Variants in VRK1 observed in about 807,000 individuals in gnomAD.
VRK1 encodes VRK serine/threonine kinase 1, also known as serine/threonine-protein kinase VRK1.
In VRK1, 33 loss-of-function variants were observed where a neutral mutation model predicts 57.1. The observed-to-expected ratio is 0.58, with a 90% CI of 0.44 to 0.77. The LOEUF is 0.77. Ranked by LOEUF, VRK1 falls within the 30% of genes least tolerant of loss-of-function variation. The pLI is 0.00. For missense variants in VRK1, 413 were observed against 477.3 expected (o/e 0.87, Z 1.25); for synonymous variants, 137 against 147.8 (o/e 0.93, Z 0.53).
intron 2 of VRK1, among the ~76,000 whole-genome samples, chr14:96,835,001 A>G (rs1887160092): frequency 6.6e-6 from 1 of 152,232 alleles, no homozygotes; most frequent in Non-Finnish European, 1.5e-5. Flanking sequence ...TTGCAAAGTT[A>G]AAACTTGCCC....
intron 1 of VRK1, among the ~76,000 whole-genome samples, chr14:96,827,438 T>C (rs1886843111): frequency 1.3e-5 from 2 of 152,152 alleles, no homozygotes; most frequent in Non-Finnish European, 2.9e-5. Flanking sequence ...GGCTGTCAGC[T>C]CTACTTACTC....
At chr14:96,869,293 C>T (rs558585151) in intron 11 of VRK1, among the ~76,000 whole-genome samples, 1 of 152,242 alleles carries the variant, frequency 6.6e-6, no homozygotes, top group African/African-American at 2.4e-5. Flanking sequence ...TAACTTTTCC[C>T]ATCTTTCTAG....
chr14:96,872,179 T>G (rs1463333198), intron 11 of VRK1, among the ~76,000 whole-genome samples: 1 of 152,188 alleles, frequency 6.6e-6, no homozygotes, highest in East Asian at 1.9e-4. Flanking sequence ...TTCCTAACTC[T>G]CCATCTTTTT....
At chr14:96,833,218 C>G (rs985323202) in intron 1 of VRK1, among the ~76,000 whole-genome samples, 1 of 152,082 alleles carries the variant, frequency 6.6e-6, no homozygotes, top group South Asian at 2.1e-4. Context: ...GATCATTATG[C>G]CATTGGACTT....
intron 2 of VRK1, among the ~76,000 whole-genome samples, chr14:96,836,936 G>A (rs552414400): frequency 1.3e-5 from 2 of 152,142 alleles, no homozygotes; most frequent in South Asian, 2.1e-4. Flanking sequence ...TGTCAGTAAG[G>A]TTTAGATCCC....
chr14:96,838,617 G>T (rs1296541196), intron 3 of VRK1, among the ~76,000 whole-genome samples: 1 of 152,070 alleles, frequency 6.6e-6, no homozygotes, highest in East Asian at 1.9e-4. Context: ...CAGAACTAAT[G>T]GGATAGATGT....
At chr14:96,815,721 A>G (rs1441650100) in intron 1 of VRK1, among the ~76,000 whole-genome samples, 2 of 139,202 alleles carry the variant, frequency 1.4e-5, no homozygotes, top group Admixed American at 1.4e-4. Flanking sequence ...TCACTCTACT[A>G]AAAAAAAAAA....
chr14:96,837,943 ATATT>A (rs980614081), intron 3 of VRK1, 126 bp downstream of exon 3: 29 of 523,608 alleles, frequency 5.5e-5, no homozygotes, highest in African/African-American at 5.4e-4. Context: ...AACTTAAAAA[ATATT>A]TAATAAGACA....
intron 1 of VRK1, among the ~76,000 whole-genome samples, chr14:96,821,648 G>A (rs184403388): frequency 8.5e-5 from 13 of 152,180 alleles, no homozygotes; most frequent in East Asian, 7.7e-4. Flanking sequence ...TTCTTGATGC[G>A]TCAACCAGAG....
intron 11 of VRK1, among the ~76,000 whole-genome samples, chr14:96,861,614 A>G (rs1277210805): frequency 6.6e-6 from 1 of 152,240 alleles, no homozygotes; most frequent in Non-Finnish European, 1.5e-5. Context: ...AATCAGACGC[A>G]GCACATTGAA....
chr14:96,873,838 A>G (rs1566720580), intron 11 of VRK1, among the ~76,000 whole-genome samples: 4 of 152,222 alleles, frequency 2.6e-5, no homozygotes, highest in Admixed American at 2.0e-4. Context: ...GGCCCTTTCT[A>G]TGCAGACTAC....
chr14:96,798,178 C>G (rs945869601), intron 1 of VRK1, among the ~76,000 whole-genome samples: 1 of 152,176 alleles, frequency 6.6e-6, no homozygotes, highest in Non-Finnish European at 1.5e-5. Flanking sequence ...TTGCAAGGGA[C>G]TTTCATAACC....
chr14:96,807,633 A>G (rs10148833), intron 1 of VRK1, among the ~76,000 whole-genome samples: 3,092 of 152,252 alleles, frequency 0.02, 113 homozygotes, highest in African/African-American at 0.07. Flanking sequence ...AATATTAGCT[A>G]TATCCTTTTG....
Position 96,819,328 on chromosome 14 carries a change from AC to A in VRK1, c.-5-14138del, listed in dbSNP as rs1179357590. Among the ~76,000 whole-genome samples the A allele has an allele frequency of 9.8e-5, 15 of 152,336 alleles. No individual in the cohort carries two copies. In the South Asian group the frequency reaches 2.1e-3, roughly 21 times the overall value. On this transcript the variant is annotated intron_variant, in intron 1 of 12. Coordinates refer to ENST00000216639, the MANE Select transcript of VRK1 (RefSeq NM_003384.3). Reference sequence around the variant, plus strand: ...AGGTCTTTTATTAAAATCCTCAGATACGGTAGACTTGTATGTAATAGAGCAA... The same window carrying A: ...AGGTCTTTTATTAAAATCCTCAGATAGGTAGACTTGTATGTAATAGAGCAA...
rs1372198425 is a variant in VRK1 at position 96,833,605 on chromosome 14, A to G, written c.134A>G (p.Gln45Arg). 1.2e-6 allele frequency: 2 copies of G among 1,613,656 alleles called. No individual in the cohort carries two copies. Among genetic ancestry groups the G allele is most frequent in the Non-Finnish European group, 1.7e-6 (2 of 1,179,702 alleles). The part of the protein sequence containing the change: ...KEWKVGLPIG[Q>R]GGFGCIYLAD... ...TGGAAAGTAGGATTACCCATTGGCCAAGGAGGCTTTGGCTGTATATATCTT... is the reference window on the plus strand; with the variant it reads ...TGGAAAGTAGGATTACCCATTGGCCGAGGAGGCTTTGGCTGTATATATCTT... The change falls in exon 2 of 13, where the codon CAA becomes CGA. Residue 45 changes from glutamine to arginine, a missense_variant. This residue lies in a region of VRK1 where 116 missense variants were observed against 113.6 expected (regional missense o/e 1.02). Transcript: ENST00000216639.
intron 2 of VRK1, among the ~76,000 whole-genome samples, chr14:96,835,185 C>T (rs1006030132): frequency 2.0e-5 from 3 of 152,142 alleles, no homozygotes; most frequent in Non-Finnish European, 4.4e-5. Flanking sequence ...GTCTCTGTCT[C>T]TATGATACAC....
intron 8 of VRK1, 141 bp from the exon 9 acceptor site, chr14:96,855,989 C>T: frequency 1.1e-6 from 1 of 939,632 alleles, no homozygotes; most frequent in East Asian, 2.8e-5. Context: ...TGTTCAGTAC[C>T]TAGGTGAAAT....
intron 3 of VRK1, among the ~76,000 whole-genome samples, chr14:96,839,877 C>G (rs1384656185): frequency 6.6e-6 from 1 of 152,060 alleles, no homozygotes; most frequent in Non-Finnish European, 1.5e-5. Flanking sequence ...TTTCTCCTTT[C>G]CTCTGTCAAT....
chr14:96,827,526 A>G (rs1242597868), intron 1 of VRK1, among the ~76,000 whole-genome samples: 1 of 151,994 alleles, frequency 6.6e-6, no homozygotes, highest in Non-Finnish European at 1.5e-5. Flanking sequence ...ATTCCTGTGG[A>G]TAAGCTGTAG....
Sources: gnomAD v4.1 joint callset for allele counts (sites outside exome capture counted in the v4.1 genomes callset) on GRCh38, gnomAD v4.1.1 for gene constraint, gnomAD v4.1.1 regional missense constraint, MANE v1.5 for transcripts, NCBI Gene and HGNC (gene_info 2026-07-23, HGNC 2026-07-21) for gene names.